Variants in BCL2 observed in about 807,000 individuals in gnomAD.
The protein encoded by BCL2 is BCL2 apoptosis regulator, also known as apoptosis regulator Bcl-2.
A neutral mutation model predicts 14.2 loss-of-function variants in BCL2; 1 was observed. That is an observed-to-expected ratio of 0.07 (90% CI 0.02 to 0.33). The LOEUF is 0.33. Among genes scored for constraint, BCL2 ranks in the 10% least tolerant of loss-of-function variants. The pLI is 0.99. For synonymous variants in BCL2, 151 were observed against 137.2 expected, an observed-to-expected ratio of 1.10 and a Z score of -0.70; for missense variants, 247 against 305.9, an observed-to-expected ratio of 0.81 and a Z score of 1.44.
At position 63,154,705 on chromosome 18, in the gene BCL2, C is replaced by T. The variant is rs186916722; in HGVS notation, c.586-25946G>A. Among the ~76,000 whole-genome samples, 530 of 152,302 alleles carry T rather than the reference C, an allele frequency of 3.5e-3. 6 individuals are homozygous for T. The highest frequency in any genetic ancestry group is 0.025 in the Admixed American group (375 of 15,302). On this transcript the variant is annotated intron_variant, in intron 2 of 2. Coordinates refer to ENST00000333681, the MANE Select transcript of BCL2 (RefSeq NM_000633.3). ...CCCCACCTCCCCATCATGCCCTTTT[C>T]TTATTCTGCCCCCTCAAGGCTCACC...
chr18:63,141,353 TGCTC>T (rs1483931199), intron 2 of BCL2, among the ~76,000 whole-genome samples: 3 of 152,214 alleles, frequency 2.0e-5, no homozygotes, highest in Admixed American at 2.0e-4. Flanking sequence ...ACTTCTCCAC[TGCTC>T]TTCTCCCCAC....
chr18:63,259,770 A>T (rs1911601150), intron 2 of BCL2, among the ~76,000 whole-genome samples: 2 of 152,260 alleles, frequency 1.3e-5, no homozygotes, highest in South Asian at 4.1e-4. Context: ...CCAATGAGAA[A>T]GCAAGTCACA....
intron 2 of BCL2, among the ~76,000 whole-genome samples, chr18:63,174,318 T>C (rs1915297695): frequency 6.6e-6 from 1 of 152,080 alleles, no homozygotes; most frequent in African/African-American, 2.4e-5. Flanking sequence ...CAATTGAAAC[T>C]CAGAATTTCT....
Position 63,142,422 on chromosome 18 carries a change from C to A in BCL2, c.586-13663G>T, listed in dbSNP as rs189169270. On this transcript the variant is annotated intron_variant, in intron 2 of 2. Coordinates refer to ENST00000333681, the MANE Select transcript of BCL2 (RefSeq NM_000633.3). Reference sequence around the variant, plus strand: ...GGGAGCCCTGATGACCTACCGCAGGCCCAGACATCTGTCGAGGACCAGATG... The same window carrying A: ...GGGAGCCCTGATGACCTACCGCAGGACCAGACATCTGTCGAGGACCAGATG... Among the ~76,000 whole-genome samples the A allele has an allele frequency of 5.6e-3, 846 of 152,370 alleles. 8 individuals are homozygous for A. The highest frequency in any genetic ancestry group is 8.9e-3 in the Non-Finnish European group (606 of 68,034).
intron 2 of BCL2, among the ~76,000 whole-genome samples, chr18:63,301,957 A>G (rs965722565): frequency 2.6e-5 from 4 of 152,232 alleles, no homozygotes; most frequent in African/African-American, 9.6e-5. Flanking sequence ...AAATATTACA[A>G]TGTTGGGTTA....
chr18:63,305,634 A>G (rs1414948099), intron 2 of BCL2, among the ~76,000 whole-genome samples: 1 of 152,194 alleles, frequency 6.6e-6, no homozygotes, highest in Admixed American at 6.5e-5. Context: ...AAAAAATTCT[A>G]TGAAAACTGC....
chr18:63,199,104 A>G (rs1290065080), intron 2 of BCL2, among the ~76,000 whole-genome samples: 1 of 150,718 alleles, frequency 6.6e-6, no homozygotes, highest in Non-Finnish European at 1.5e-5. Flanking sequence ...ATGCACACAC[A>G]CAACACACAC....
intron 2 of BCL2, chr18:63,302,584 C>G: frequency 1.0e-6 from 1 of 985,034 alleles, no homozygotes; most frequent in Non-Finnish European, 1.2e-6. Context: ...TTAAACAAAC[C>G]ACTTAAAACA....
intron 2 of BCL2, among the ~76,000 whole-genome samples, chr18:63,238,547 A>G (rs994762348): frequency 1.3e-5 from 2 of 152,138 alleles, no homozygotes; most frequent in Admixed American, 1.3e-4. Flanking sequence ...AAATGTATGT[A>G]TTTGCAATGT....
chr18:63,304,194 T>G (rs1913050115), intron 2 of BCL2, among the ~76,000 whole-genome samples: 1 of 152,224 alleles, frequency 6.6e-6, no homozygotes, highest in African/African-American at 2.4e-5. Context: ...TCTGACTTCC[T>G]CACAATGTGG....
intron 2 of BCL2, among the ~76,000 whole-genome samples, chr18:63,293,735 G>A (rs1212169450): frequency 1.3e-5 from 2 of 152,064 alleles, no homozygotes; most frequent in Non-Finnish European, 2.9e-5. Flanking sequence ...CAAAACAAAG[G>A]AAAATGGGAT....
intron 2 of BCL2, among the ~76,000 whole-genome samples, chr18:63,143,978 C>T (rs146259359): frequency 6.6e-6 from 1 of 152,326 alleles, no homozygotes; most frequent in East Asian, 1.9e-4. Context: ...AAACGCTCTT[C>T]CAATGGGATG....
Position 63,255,138 on chromosome 18 carries a change from C to G in BCL2, c.585+62944G>C, listed in dbSNP as rs140397529. Among the ~76,000 whole-genome samples the G allele has an allele frequency of 2.1e-3, 317 of 152,338 alleles. 2 individuals carry two copies. Among genetic ancestry groups the G allele is most frequent in the African/African-American group, 6.9e-3 (285 of 41,574 alleles). ...ATCATGACCTCCATTTTACTGATGG[C>G]ATGGCTGAGGTCCAAAAGAGTTAAG... On this transcript the variant is annotated intron_variant, in intron 2 of 2. Transcript: ENST00000333681.
chr18:63,304,392 C>T (rs1158673526), intron 2 of BCL2, among the ~76,000 whole-genome samples: 4 of 152,160 alleles, frequency 2.6e-5, no homozygotes, highest in Non-Finnish European at 4.4e-5. Flanking sequence ...AAGGCTCCAC[C>T]ATTTTCAACA....
At position 63,318,399 on chromosome 18, in the gene BCL2, G is replaced by A. The variant is rs1913571221; in HGVS notation, c.268C>T (p.Pro90Ser). Residue 90 changes from proline to serine, a missense_variant, in exon 2 of 3, where the codon CCA becomes TCA. This residue lies in a region of BCL2 where 144 missense variants were observed against 135.3 expected (regional missense o/e 1.06). Coordinates refer to ENST00000333681, the MANE Select transcript of BCL2 (RefSeq NM_000633.3). The surrounding 1 kb of genome is among the most constrained non-coding windows in gnomAD (Gnocchi z 7.4). ...CGGAGGGTCAGGTGGACCACAGGTG[G>A]CACCGGGCTGAGCGCAGGCCCCGCG... ...AAAGPALSPV[P>S]PVVHLTLRQA... 1.9e-6 allele frequency: 3 copies of A among 1,564,276 alleles called. No individual in the cohort carries two copies. The African/African-American group carries it at 4.1e-5, about 21-fold the overall frequency.
At chr18:63,188,724 A>T (rs1915650403) in intron 2 of BCL2, among the ~76,000 whole-genome samples, 1 of 152,198 alleles carries the variant, frequency 6.6e-6, no homozygotes, top group East Asian at 1.9e-4. Flanking sequence ...AATACTCATA[A>T]TCCTTAAATT....
intron 2 of BCL2, among the ~76,000 whole-genome samples, chr18:63,219,469 T>TG (rs2144684171): frequency 6.7e-6 from 1 of 149,244 alleles, no homozygotes. Flanking sequence ...TTTTTTTTTT[T>TG]TTTTTGAGAC....
chr18:63,193,667 TAC>T (rs1168147101), intron 2 of BCL2, among the ~76,000 whole-genome samples: 30 of 150,320 alleles, frequency 2.0e-4, no homozygotes, highest in African/African-American at 4.6e-4. Flanking sequence ...TACATATATA[TAC>T]ACACACACAC....
chr18:63,178,642 T>C (rs1915405498), intron 2 of BCL2, among the ~76,000 whole-genome samples: 1 of 152,144 alleles, frequency 6.6e-6, no homozygotes, highest in South Asian at 2.1e-4. Context: ...AGCCCCAGAC[T>C]CACTTGGGTC....
Sources: allele counts gnomAD v4.1 joint callset (sites outside exome capture counted in the v4.1 genomes callset), GRCh38; gene constraint gnomAD v4.1.1; regional missense constraint gnomAD v4.1.1; non-coding constraint Gnocchi (gnomAD v3.1); transcripts MANE v1.5; gene names NCBI Gene and HGNC (gene_info 2026-07-23, HGNC 2026-07-21).